TAF4: variants seen among roughly 807,000 people sequenced by gnomAD.
The protein encoded by TAF4 is transcription initiation factor TFIID subunit 4.
TAF4 carries 9 observed loss-of-function variants against 90.3 expected under a neutral mutation model. That is an observed-to-expected ratio of 0.10 (90% CI 0.06 to 0.17). TAF4 has a LOEUF of 0.17. Ranked by LOEUF, TAF4 falls within the 10% of genes least tolerant of loss-of-function variation. The probability of loss-of-function intolerance (pLI) is 1.00; values close to 1 mark genes in which losing one functional copy is unlikely to be tolerated. For synonymous variants in TAF4, 818 were observed against 638.9 expected (o/e 1.28, Z -4.23); for missense variants, 1,351 against 1,370.7 (o/e 0.99, Z 0.23).
intron 1 of TAF4, among the ~76,000 whole-genome samples, chr20:62,047,667 G>A (rs6142936): frequency 0.11 from 17,306 of 152,164 alleles, 1,344 homozygotes; most frequent in East Asian, 0.44. Context: ...AAACGGTGGC[G>A]GAAGATGCTG....
intron 1 of TAF4, among the ~76,000 whole-genome samples, chr20:62,029,415 C>T (rs1006186320): frequency 1.3e-5 from 2 of 152,244 alleles, no homozygotes; most frequent in South Asian, 2.1e-4. Context: ...TAAACTCTGA[C>T]ACAGAAGCCC....
rs973236110 is a variant in TAF4, at chr20:62,010,766, T to C, written c.1642-601A>G. Among the ~76,000 whole-genome samples, 3 of 152,258 alleles carry C rather than the reference T, an allele frequency of 2.0e-5. No individual in the cohort carries two copies. The highest frequency in any genetic ancestry group is 4.8e-5 in the African/African-American group (2 of 41,556). The stretch of plus-strand genomic sequence containing the variant: ...CGAGCAATGGAGGATGGGTCATCAG[T>C]GTCAAACTGTCAGAAAGGAGGGGCT... On this transcript the variant is annotated intron_variant, in intron 3 of 14. Coordinates refer to ENST00000252996, the MANE Select transcript of TAF4 (RefSeq NM_003185.4). This position sits in a 1 kb window ranked among gnomAD's most constrained non-coding sequence, Gnocchi z 4.5.
At chr20:62,030,803 C>G (rs754532881) in intron 1 of TAF4, among the ~76,000 whole-genome samples, 1 of 152,174 alleles carries the variant, frequency 6.6e-6, no homozygotes, top group African/African-American at 2.4e-5. Context: ...AAAGCAACAC[C>G]AAGGGCCACA....
chr20:62,010,131 G>C lies in TAF4; in HGVS notation c.1676C>G (p.Ala559Gly), dbSNP rs1033810324. ...AACAGCCGTCGCCGTCCCAAGTGAAGCCGTCTGGGCAGCGCCACCCAGAAC... is the reference window on the plus strand; with the variant it reads ...AACAGCCGTCGCCGTCCCAAGTGAACCCGTCTGGGCAGCGCCACCCAGAAC... ...QLVLGGAAQT[A>G]SLGTATAVQT... Residue 559 changes from alanine (A) to glycine (G), a missense_variant, in exon 4 of 15, where the codon GCT becomes GGT. Physicochemically the swap from Ala to Gly is moderately conservative, Grantham distance 60. Coordinates refer to ENST00000252996, the MANE Select transcript of TAF4 (RefSeq NM_003185.4). The surrounding 1 kb of genome is among the most constrained non-coding windows in gnomAD (Gnocchi z 4.5). The C allele has an allele frequency of 1.2e-6, 2 of 1,613,812 alleles. No individual in the cohort carries two copies. Among genetic ancestry groups the C allele is most frequent in the Non-Finnish European group, 1.7e-6 (2 of 1,180,030 alleles).
chr20:62,063,406 G>A (rs2056100970), intron 1 of TAF4, among the ~76,000 whole-genome samples: 1 of 152,200 alleles, frequency 6.6e-6, no homozygotes, highest in African/African-American at 2.4e-5. Context: ...GTCACCACAG[G>A]CCGGGGAGGA....
chr20:62,051,945 C>T (rs553611354), intron 1 of TAF4, among the ~76,000 whole-genome samples: 1 of 152,282 alleles, frequency 6.6e-6, no homozygotes, highest in African/African-American at 2.4e-5. Flanking sequence ...AAGGTTGCCG[C>T]CTCCCACCAG....
chr20:61,997,479 C>T, intron 14 of TAF4, 71 bp downstream of exon 14: 1 of 1,413,088 alleles, frequency 7.1e-7, no homozygotes, highest in Non-Finnish European at 9.3e-7. Context: ...GTGTCCGTCC[C>T]CTAGAAGAGG....
At chr20:61,976,394 G>A in intron 14 of TAF4, 59 bp from the exon 15 acceptor site, 1 of 1,589,432 alleles carries the variant, frequency 6.3e-7, no homozygotes. Flanking sequence ...GGCTTGCAAT[G>A]AGCCTGTGTA....
At chr20:62,020,172 G>A (rs1395407742) in intron 1 of TAF4, among the ~76,000 whole-genome samples, 1 of 152,238 alleles carries the variant, frequency 6.6e-6, no homozygotes, top group African/African-American at 2.4e-5. Flanking sequence ...CATGGCACCA[G>A]CCCCAGCCCC....
rs1440081828 is a variant in TAF4 at position 62,065,241 on chromosome 20, G to A, written c.570C>T (p.Ala190=). ...PGPGPGPGKP[A]GPGAAQTLNG... Reference sequence around the variant, plus strand: ...TCAAAGTTTGCGCGGCGCCGGGGCCGGCGGGCTTGCCAGGGCCAGGGCCGG... The same window carrying A: ...TCAAAGTTTGCGCGGCGCCGGGGCCAGCGGGCTTGCCAGGGCCAGGGCCGG... The change falls in exon 1 of 15, where the codon GCC becomes GCT. Residue 190 remains alanine, a synonymous_variant. Transcript: ENST00000252996. 9 of 1,086,444 alleles carry A rather than the reference G, an allele frequency of 8.3e-6. No individual in the cohort carries two copies. The highest frequency in any genetic ancestry group is 3.9e-5 in the Admixed American group (1 of 25,560). The allele number at this position is 1,086,444 out of a possible 1,614,324, so 67.3% of individuals were successfully genotyped here. A position where few individuals can be genotyped will look rare whatever the true frequency, so the allele number is the denominator to read the frequency against.
intron 1 of TAF4, chr20:62,038,002 C>G (rs1297636663): frequency 6.6e-6 from 1 of 151,600 alleles, no homozygotes; most frequent in Non-Finnish European, 1.5e-5. Flanking sequence ...TATAAAGTCA[C>G]TATTTTTAAA....
At chr20:62,038,217 C>T (rs1169867739) in intron 1 of TAF4, among the ~76,000 whole-genome samples, 1 of 151,964 alleles carries the variant, frequency 6.6e-6, no homozygotes, top group Admixed American at 6.6e-5. Context: ...TTACTAGAGA[C>T]AGGGTTTCAC....
At chr20:62,018,799 G>A (rs1268789513) in intron 1 of TAF4, among the ~76,000 whole-genome samples, 5 of 152,234 alleles carry the variant, frequency 3.3e-5, no homozygotes, top group East Asian at 1.9e-4. Flanking sequence ...CAAGAAACAC[G>A]ACATCCGTCC....
At chr20:62,062,021 G>A (rs1375691102) in intron 1 of TAF4, among the ~76,000 whole-genome samples, 1 of 152,202 alleles carries the variant, frequency 6.6e-6, no homozygotes, top group Non-Finnish European at 1.5e-5. Flanking sequence ...GGGAAGGCTG[G>A]GAAGGGCAGG....
At chr20:62,022,042 T>C (rs1180363983) in intron 1 of TAF4, among the ~76,000 whole-genome samples, 1 of 151,852 alleles carries the variant, frequency 6.6e-6, no homozygotes, top group Non-Finnish European at 1.5e-5. Flanking sequence ...GCCAAGGTCT[T>C]AGAGGGGCAA....
At position 61,975,048 on chromosome 20, in the gene TAF4, T is replaced by A. The variant is rs1007278918; in HGVS notation, c.*1120A>T. 6 of 152,382 alleles carry A rather than the reference T, an allele frequency of 3.9e-5. No homozygotes were observed. Among genetic ancestry groups the A allele is most frequent in the Non-Finnish European group, 8.8e-5 (6 of 68,036 alleles). The allele number at this position is 152,382 out of a possible 1,614,324, so 9.4% of individuals were successfully genotyped here. ...CACGCGCTCGAATTAAAGTCTAATG[T>A]GAGAATTCACACGGAGAAAGCCAGA... On this transcript the variant is annotated 3_prime_UTR_variant, in exon 15 of 15. Transcript: ENST00000252996.
At chr20:61,991,500 A>T (rs2055631141) in intron 14 of TAF4, among the ~76,000 whole-genome samples, 1 of 152,006 alleles carries the variant, frequency 6.6e-6, no homozygotes, top group East Asian at 1.9e-4. Flanking sequence ...TAGGGAGGCC[A>T]ATGTGGGAGG....
intron 1 of TAF4, among the ~76,000 whole-genome samples, chr20:62,043,432 A>G (rs1156307717): frequency 6.6e-6 from 1 of 152,222 alleles, no homozygotes; most frequent in Non-Finnish European, 1.5e-5. Flanking sequence ...AGTTATAGTA[A>G]GTCAAGGTTA....
intron 1 of TAF4, among the ~76,000 whole-genome samples, chr20:62,021,661 C>A (rs879606111): frequency 4.6e-5 from 7 of 152,186 alleles, no homozygotes; most frequent in Non-Finnish European, 8.8e-5. Flanking sequence ...ACAGGCAGGG[C>A]CATGTGGATA....
Sources: gnomAD v4.1 joint callset for allele counts (sites outside exome capture counted in the v4.1 genomes callset) on GRCh38, gnomAD v4.1.1 for gene constraint, Gnocchi (gnomAD v3.1) non-coding constraint, MANE v1.5 for transcripts, NCBI Gene and HGNC (gene_info 2026-07-23, HGNC 2026-07-21) for gene names.